Variants in CEP63 observed in about 807,000 individuals in gnomAD.
The protein encoded by CEP63 is centrosomal protein 63, also known as centrosomal protein of 63 kDa.
A neutral mutation model predicts 89.1 loss-of-function variants in CEP63; 84 were observed. That is an observed-to-expected ratio of 0.94 (90% confidence interval 0.79 to 1.13). The LOEUF is 1.13. Among genes scored for constraint, CEP63 ranks in the 50% most tolerant of loss-of-function variants. CEP63 has a pLI of 0.00. For synonymous variants in CEP63, 267 were observed against 272.5 expected (o/e 0.98, Z 0.20); for missense variants, 838 against 813.3 (o/e 1.03, Z -0.37).
the CEP63 span, chr3:134,612,956 G>C: frequency 6.6e-6 from 1 of 152,574 alleles, no homozygotes; most frequent in Non-Finnish European, 1.5e-5. Context: ...GTGTTACTTT[G>C]AGAATTGGAA....
chr3:134,747,194 T>C, the CEP63 span, among the ~76,000 whole-genome samples: 1 of 152,226 alleles, frequency 6.6e-6, no homozygotes, highest in African/African-American at 2.4e-5. Context: ...TTTCCCCATT[T>C]CTTGTTTTTG....
At chr3:134,620,690 G>A in the CEP63 span, 442 of 1,200,076 alleles carry the variant, frequency 3.7e-4, 1 homozygote, top group Non-Finnish European at 8.7e-5. Flanking sequence ...TAGGAGCAGA[G>A]GCCTGCAGGG....
chr3:134,741,804 G>C, the CEP63 span, among the ~76,000 whole-genome samples: 1 of 152,146 alleles, frequency 6.6e-6, no homozygotes, highest in Non-Finnish European at 1.5e-5. Context: ...TTCTGGGATT[G>C]TTTGCTCCCT....
chr3:134,538,659 C>G (rs1951373349), intron 6 of CEP63, among the ~76,000 whole-genome samples: 1 of 150,486 alleles, frequency 6.6e-6, no homozygotes, highest in Non-Finnish European at 1.5e-5. Flanking sequence ...CTCCAGCAAT[C>G]CTTCCACCTT....
the CEP63 span, among the ~76,000 whole-genome samples, chr3:134,682,728 C>T: frequency 5.3e-5 from 8 of 152,334 alleles, no homozygotes; most frequent in South Asian, 1.2e-3. Context: ...ACTCCATGCT[C>T]GGCACTATTT....
the CEP63 span, among the ~76,000 whole-genome samples, chr3:134,747,046 A>C: frequency 3.3e-5 from 5 of 152,058 alleles, no homozygotes; most frequent in African/African-American, 1.2e-4. Flanking sequence ...TAGGGTTTTT[A>C]TGGTTTTAGG....
the CEP63 span, among the ~76,000 whole-genome samples, chr3:134,679,207 ATCT>A: frequency 6.6e-6 from 1 of 152,130 alleles, no homozygotes; most frequent in Non-Finnish European, 1.5e-5. Context: ...ATCTTATTTA[ATCT>A]TCTATATTTT....
chr3:134,692,649 A>G, the CEP63 span, among the ~76,000 whole-genome samples: 1 of 152,354 alleles, frequency 6.6e-6, no homozygotes, highest in East Asian at 1.9e-4. Flanking sequence ...AGGTCCCCTG[A>G]AAGTCTCTTG....
the CEP63 span, chr3:134,603,760 T>C: frequency 5.6e-6 from 9 of 1,612,544 alleles, no homozygotes; most frequent in Non-Finnish European, 7.6e-6. Context: ...GGCAATACCA[T>C]GCAGCTTCAA....
At chr3:134,753,331 G>A in the CEP63 span, among the ~76,000 whole-genome samples, 6 of 151,854 alleles carry the variant, frequency 4.0e-5, no homozygotes, top group East Asian at 5.8e-4. Context: ...GTCTCCCTGC[G>A]GTCAGTGCCT....
rs534603572 is a variant in CEP63 at position 134,584,681 on chromosome 3, T to A, written c.1207-2777T>A. On this transcript the variant is annotated intron_variant, in intron 10 of 10. Transcript: ENST00000683931. Reference sequence around the variant, plus strand: ...CTGCCAGGCTTTGGTATCAGGATGATGCTGGCCTCATAAAATGAGTTAGGG... The same window carrying A: ...CTGCCAGGCTTTGGTATCAGGATGAAGCTGGCCTCATAAAATGAGTTAGGG... 2.6e-5 allele frequency among the ~76,000 whole-genome samples: 4 copies of A among 152,322 alleles called. No homozygotes were observed. The South Asian group carries it at 8.3e-4, about 32-fold the overall frequency.
At chr3:134,522,600 C>CT (rs1947713042) in intron 3 of CEP63, among the ~76,000 whole-genome samples, 1 of 152,006 alleles carries the variant, frequency 6.6e-6, no homozygotes, top group South Asian at 2.1e-4. Flanking sequence ...TTAGTTATTT[C>CT]TTTCCTGATT....
At chr3:134,691,725 A>T in the CEP63 span, among the ~76,000 whole-genome samples, 4 of 152,170 alleles carry the variant, frequency 2.6e-5, no homozygotes, top group African/African-American at 9.6e-5. Context: ...TAAATAGTAA[A>T]GAGAATGGCA....
At chr3:134,543,578 T>C (rs866364433) in intron 6 of CEP63, among the ~76,000 whole-genome samples, 2 of 152,238 alleles carry the variant, frequency 1.3e-5, no homozygotes, top group Admixed American at 1.3e-4. Flanking sequence ...ATATCAATAC[T>C]GAGTTTAAGA....
the CEP63 span, among the ~76,000 whole-genome samples, chr3:134,599,375 C>G: frequency 2.8e-4 from 43 of 152,160 alleles, no homozygotes; most frequent in Non-Finnish European, 4.8e-4. Context: ...TTTGGGAACA[C>G]AAGTTCTTTT....
chr3:134,623,838 C>G, the CEP63 span, among the ~76,000 whole-genome samples: 13 of 152,066 alleles, frequency 8.5e-5, no homozygotes, highest in Non-Finnish European at 1.8e-4. Flanking sequence ...CCTCCCTGGA[C>G]CTTCCAGAAC....
intron 6 of CEP63, among the ~76,000 whole-genome samples, chr3:134,545,331 A>G (rs1418031129): frequency 1.3e-5 from 2 of 151,564 alleles, no homozygotes; most frequent in African/African-American, 2.4e-5. Flanking sequence ...GGGTTTCGCC[A>G]TGTTTCCAGG....
chr3:134,671,131 A>T, the CEP63 span, among the ~76,000 whole-genome samples: 1 of 152,182 alleles, frequency 6.6e-6, no homozygotes, highest in Admixed American at 6.5e-5. Flanking sequence ...TTTACTTTTT[A>T]AAAAAGATCT....
At chr3:134,750,083 G>C in the CEP63 span, among the ~76,000 whole-genome samples, 1 of 152,250 alleles carries the variant, frequency 6.6e-6, no homozygotes, top group Non-Finnish European at 1.5e-5. Context: ...TTCCTGGGCT[G>C]CTTTCCCTGG....
Sources: gnomAD v4.1 joint callset for allele counts (sites outside exome capture counted in the v4.1 genomes callset) on GRCh38, gnomAD v4.1.1 for gene constraint, MANE v1.5 for transcripts, NCBI Gene and HGNC (gene_info 2026-07-23, HGNC 2026-07-21) for gene names.